The following ADAMTS9 variants were observed in gnomAD, a reference collection of about 807,000 sequenced individuals.
ADAMTS9 encodes ADAM metallopeptidase with thrombospondin type 1 motif 9.
ADAMTS9 carries 107 observed loss-of-function variants against 257.1 expected under a neutral mutation model. The observed-to-expected ratio is 0.42, with a 90% CI of 0.36 to 0.49. The LOEUF (loss-of-function observed/expected upper bound fraction) is 0.49. Among genes scored for constraint, ADAMTS9 ranks in the 20% least tolerant of loss-of-function variants. The pLI is 0.03. For synonymous variants in ADAMTS9, 982 were observed against 880.9 expected (o/e 1.11, Z -2.03); for missense variants, 2,353 against 2,469.1 (o/e 0.95, Z 1.00).
chr3:64,539,364 C>G, intron 36 of ADAMTS9, 70 bp from the exon 37 acceptor site: 1 of 1,299,646 alleles, frequency 7.7e-7, no homozygotes, highest in Non-Finnish European at 1.1e-6. Flanking sequence ...AGGAACAGGA[C>G]ATTAACAAGG....
intron 2 of ADAMTS9, among the ~76,000 whole-genome samples, chr3:64,685,957 G>T (rs1353793971): frequency 2.0e-5 from 3 of 152,102 alleles, no homozygotes; most frequent in Non-Finnish European, 4.4e-5. Context: ...CTTCTCCCCC[G>T]CCCCCAGAGC....
intron 28 of ADAMTS9, among the ~76,000 whole-genome samples, chr3:64,592,058 TA>T (rs1272471916): frequency 6.6e-6 from 1 of 152,190 alleles, no homozygotes; most frequent in Non-Finnish European, 1.5e-5. Flanking sequence ...AACACACAAT[TA>T]AAATCAAAAC....
chr3:64,519,514 A>C (rs1439411916), intron 39 of ADAMTS9, among the ~76,000 whole-genome samples: 2 of 152,198 alleles, frequency 1.3e-5, no homozygotes, highest in East Asian at 3.9e-4. Context: ...ACTACAGACT[A>C]ATATCCCTGA....
intron 38 of ADAMTS9, among the ~76,000 whole-genome samples, chr3:64,527,848 A>C (rs4688475): frequency 0.04 from 6,114 of 152,276 alleles, 682 homozygotes; most frequent in Admixed American, 0.25. Context: ...GCTGACAGCA[A>C]GTTCGGAGGC....
At chr3:64,660,207 T>G (rs1158029815) in intron 3 of ADAMTS9, among the ~76,000 whole-genome samples, 1 of 152,234 alleles carries the variant, frequency 6.6e-6, no homozygotes, top group Non-Finnish European at 1.5e-5. Context: ...TGAAGAAGTA[T>G]GCTTACCTAA....
At chr3:64,525,096 A>G (rs908773108) in intron 38 of ADAMTS9, among the ~76,000 whole-genome samples, 1 of 152,208 alleles carries the variant, frequency 6.6e-6, no homozygotes, top group Non-Finnish European at 1.5e-5. Context: ...CTGGAATGTC[A>G]GCTCCATTAT....
Position 64,613,377 on chromosome 3 carries a change from A to G in ADAMTS9, c.3322T>C (p.Cys1108Arg), listed in dbSNP as rs769151157. The G allele has an allele frequency of 5.0e-6, 8 of 1,613,922 alleles. No individual in the cohort carries two copies. The highest frequency in any genetic ancestry group is 1.3e-5 in the African/African-American group (1 of 75,040). The change falls in exon 22 of 40, where the codon TGT becomes CGT. Residue 1108 changes from cysteine (C) to arginine (R), a missense_variant. Transcript: ENST00000498707. ...TSMQTCQQPE[C>R]ASWQAGPWGQ... ...CAGGGACCCGCCTGCCAGGATGCAC[A>G]TTCCGGCTGCTGACAAGTCTGCATA...
chr3:64,568,986 A>G (rs943391940), intron 28 of ADAMTS9: 1 of 157,748 alleles, frequency 6.3e-6, no homozygotes, highest in Non-Finnish European at 1.4e-5. Flanking sequence ...CTCTTGAACC[A>G]TTTTCCAGAG....
chr3:64,601,847 A>G (rs554385385), intron 26 of ADAMTS9, 97 bp downstream of exon 26: 33 of 1,426,576 alleles, frequency 2.3e-5, no homozygotes, highest in Non-Finnish European at 2.5e-5. Flanking sequence ...AATCCCTTGT[A>G]AAGAAAAAAA....
chr3:64,622,032 T>C (rs894856833), intron 18 of ADAMTS9, among the ~76,000 whole-genome samples, 166 bp downstream of exon 18: 1 of 152,012 alleles, frequency 6.6e-6, no homozygotes, highest in East Asian at 1.9e-4. Context: ...CTTAAAAAGT[T>C]CAACTTCCCA....
At chr3:64,525,169 T>A (rs1311831362) in intron 38 of ADAMTS9, among the ~76,000 whole-genome samples, 1 of 152,192 alleles carries the variant, frequency 6.6e-6, no homozygotes, top group Non-Finnish European at 1.5e-5. Context: ...GTGTGGCTCA[T>A]AACGATACGA....
rs570795460 is a variant in ADAMTS9, at chr3:64,557,315, T to C, written c.4698+4263A>G. On this transcript the variant is annotated intron_variant, in intron 30 of 39. Coordinates refer to ENST00000498707, the MANE Select transcript of ADAMTS9 (RefSeq NM_182920.2). ...GATGCATGGCCCCATACGATCACAA[T>C]TCAAATTTGACCAGAAGGACCTCTG... Among the ~76,000 whole-genome samples, 160 of 152,304 alleles carry C rather than the reference T, an allele frequency of 1.1e-3. 1 individual carries two copies. Among genetic ancestry groups the C allele is most frequent in the Admixed American group, 2.4e-3 (37 of 15,308 alleles).
At chr3:64,624,175 T>G (rs998523068) in intron 16 of ADAMTS9, among the ~76,000 whole-genome samples, 4 of 151,592 alleles carry the variant, frequency 2.6e-5, no homozygotes, top group Non-Finnish European at 5.9e-5. Context: ...TTAACTTTAG[T>G]GTATTGCACA....
rs1414960939 is a variant in ADAMTS9 at position 64,533,217 on chromosome 3, G to C, written c.5667C>G (p.Ala1889=). Reference sequence around the variant, plus strand: ...CATAATTCCCTTGTGATATCCATCTGGCAGATTCAGTTAAAGACAAGCCGG... The same window carrying C: ...CATAATTCCCTTGTGATATCCATCTCGCAGATTCAGTTAAAGACAAGCCGG... ...YGTGLSLTES[A]RWISQGNYAV... The change falls in exon 38 of 40, where the codon GCC becomes GCG. Residue 1889 remains alanine, a synonymous_variant. Transcript: ENST00000498707. 1 of 1,614,108 alleles carries C rather than the reference G, an allele frequency of 6.2e-7. No homozygotes were observed. Among genetic ancestry groups the C allele is most frequent in the Non-Finnish European group, 8.5e-7 (1 of 1,180,012 alleles).
At chr3:64,635,793 G>A (rs1196203454) in intron 12 of ADAMTS9, among the ~76,000 whole-genome samples, 2 of 150,980 alleles carry the variant, frequency 1.3e-5, no homozygotes, top group African/African-American at 4.9e-5. Flanking sequence ...ATTTAGAGAT[G>A]CAGAATGGGT....
chr3:64,629,459 C>T (rs556078800), intron 16 of ADAMTS9, among the ~76,000 whole-genome samples: 3 of 152,300 alleles, frequency 2.0e-5, no homozygotes, highest in East Asian at 1.9e-4. Context: ...ATACTGCCTC[C>T]GTCTTCCCTA....
At chr3:64,566,993 G>A (rs912379284) in intron 29 of ADAMTS9, among the ~76,000 whole-genome samples, 12 of 152,104 alleles carry the variant, frequency 7.9e-5, no homozygotes, top group African/African-American at 2.9e-4. Context: ...AGCTCTGGCT[G>A]GGTATAGATT....
intron 25 of ADAMTS9, among the ~76,000 whole-genome samples, chr3:64,602,823 T>C (rs2084489638): frequency 6.6e-6 from 1 of 152,240 alleles, no homozygotes; most frequent in African/African-American, 2.4e-5. Context: ...TACCTCTTGC[T>C]ATATTACATA....
chr3:64,606,884 A>T, intron 23 of ADAMTS9, 76 bp downstream of exon 23: 1 of 1,574,108 alleles, frequency 6.4e-7, no homozygotes, highest in South Asian at 1.2e-5. Flanking sequence ...AAGGATTTCA[A>T]TTTTGTCTAA....
Sources: gnomAD v4.1 joint callset for allele counts (sites outside exome capture counted in the v4.1 genomes callset) on GRCh38, gnomAD v4.1.1 for gene constraint, MANE v1.5 for transcripts, NCBI Gene and HGNC (gene_info 2026-07-23, HGNC 2026-07-21) for gene names.